CRIM1: variants seen among roughly 807,000 people sequenced by gnomAD.
The protein encoded by CRIM1 is cysteine rich transmembrane BMP regulator 1, also known as cysteine-rich motor neuron 1 protein.
A neutral mutation model predicts 116.4 loss-of-function variants in CRIM1; 32 were observed. That is an observed-to-expected ratio of 0.27 (90% CI 0.21 to 0.37). The LOEUF (loss-of-function observed/expected upper bound fraction) is 0.37. Among genes scored for constraint, CRIM1 ranks in the 10% least tolerant of loss-of-function variants. CRIM1 has a pLI of 1.00. For missense variants in CRIM1, 1,331 were observed against 1,354.8 expected, an observed-to-expected ratio of 0.98 and a Z score of 0.28; for synonymous variants, 590 against 509.2, an observed-to-expected ratio of 1.16 and a Z score of -2.13.
At chr2:36,382,667 G>T (rs1221133202) in intron 1 of CRIM1, among the ~76,000 whole-genome samples, 1 of 152,250 alleles carries the variant, frequency 6.6e-6, no homozygotes, top group Non-Finnish European at 1.5e-5. Flanking sequence ...GAGGTCCAGT[G>T]TGATGCTCCA....
At chr2:36,457,552 G>C (rs1053199652) in intron 4 of CRIM1, among the ~76,000 whole-genome samples, 1 of 152,026 alleles carries the variant, frequency 6.6e-6, no homozygotes, top group Admixed American at 6.6e-5. Context: ...AGGAAATCAC[G>C]CAGGAATAAG....
chr2:36,372,462 A>G (rs1367165849), intron 1 of CRIM1, among the ~76,000 whole-genome samples: 3 of 152,230 alleles, frequency 2.0e-5, no homozygotes, highest in African/African-American at 2.4e-5. Flanking sequence ...GGAATAAGAC[A>G]TTAGAAACTT....
At chr2:36,505,792 A>G (rs1681348158) in intron 8 of CRIM1, among the ~76,000 whole-genome samples, 1 of 151,910 alleles carries the variant, frequency 6.6e-6, no homozygotes, top group Non-Finnish European at 1.5e-5. Flanking sequence ...AGTGAGTGAT[A>G]GTGGTTGTAG....
chr2:36,430,692 A>G (rs1026767470), intron 2 of CRIM1, among the ~76,000 whole-genome samples: 2 of 152,208 alleles, frequency 1.3e-5, no homozygotes, highest in Non-Finnish European at 2.9e-5. Context: ...AGATGCCTTC[A>G]CAGAAGGAGT....
chr2:36,384,147 T>G (rs984767687), intron 1 of CRIM1, among the ~76,000 whole-genome samples: 3 of 152,196 alleles, frequency 2.0e-5, no homozygotes, highest in Non-Finnish European at 4.4e-5. Flanking sequence ...TTGCCAGAAG[T>G]TGAGGTTGAT....
intron 2 of CRIM1, among the ~76,000 whole-genome samples, chr2:36,426,718 G>A (rs1176786129): frequency 2.6e-5 from 4 of 152,108 alleles, no homozygotes; most frequent in Non-Finnish European, 4.4e-5. Flanking sequence ...AAAACCTGTG[G>A]TACTACCACT....
chr2:36,474,087 G>A (rs890464529), intron 5 of CRIM1, among the ~76,000 whole-genome samples: 14 of 152,064 alleles, frequency 9.2e-5, no homozygotes, highest in Admixed American at 2.6e-4. Context: ...TGAATTCCCC[G>A]AGTGACTAAT....
intron 1 of CRIM1, among the ~76,000 whole-genome samples, chr2:36,363,536 C>CT (rs1207054382): frequency 7.0e-6 from 1 of 141,918 alleles, no homozygotes; most frequent in African/African-American, 2.5e-5. Flanking sequence ...GCCGCCCCCC[C>CT]CCCCCATGAC....
At chr2:36,472,002 C>G (rs1275261783) in intron 5 of CRIM1, among the ~76,000 whole-genome samples, 1 of 152,152 alleles carries the variant, frequency 6.6e-6, no homozygotes, top group African/African-American at 2.4e-5. Flanking sequence ...GTAGCATGTA[C>G]TAATAGTCTA....
At chr2:36,472,243 C>A (rs796789203) in intron 5 of CRIM1, among the ~76,000 whole-genome samples, 26 of 152,272 alleles carry the variant, frequency 1.7e-4, no homozygotes, top group African/African-American at 5.8e-4. Context: ...TTGTGGCAAT[C>A]TCCACACTGT....
intron 2 of CRIM1, among the ~76,000 whole-genome samples, chr2:36,400,097 C>G (rs1412328076): frequency 6.6e-6 from 1 of 151,986 alleles, no homozygotes; most frequent in Admixed American, 6.6e-5. Context: ...GAGAGGGAGT[C>G]ATGGGGATTG....
At chr2:36,524,744 A>G (rs960325032) in intron 13 of CRIM1, among the ~76,000 whole-genome samples, 5 of 152,242 alleles carry the variant, frequency 3.3e-5, no homozygotes, top group South Asian at 2.1e-4. Context: ...CTCTCACAAA[A>G]CCAATTTAAC....
At chr2:36,367,099 A>G (rs2148293564) in intron 1 of CRIM1, among the ~76,000 whole-genome samples, 1 of 152,226 alleles carries the variant, frequency 6.6e-6, no homozygotes, top group African/African-American at 2.4e-5. Context: ...AGGAAAAGGG[A>G]TGGATTTTAG....
intron 6 of CRIM1, 31 bp from the exon 7 acceptor site, chr2:36,479,466 A>T (rs770674122): frequency 6.2e-7 from 1 of 1,600,242 alleles, no homozygotes; most frequent in South Asian, 1.1e-5. Context: ...GAAGATGCTC[A>T]GTCTAACTCT....
chr2:36,395,816 C>T (rs1016810119), intron 1 of CRIM1, among the ~76,000 whole-genome samples: 14 of 152,158 alleles, frequency 9.2e-5, no homozygotes, highest in African/African-American at 3.4e-4. Flanking sequence ...AGGGGATCCC[C>T]TCCATTGTAA....
In CRIM1 at chr2:36,506,178, C is replaced by G. The variant is rs1398349729; in HGVS notation, c.1502-3805C>G. On this transcript the variant is annotated intron_variant, in intron 8 of 16. Transcript: ENST00000280527. ...ACACACTCTCTCTCTCTCTCTCTCTCTCTCACACACACACACACACACACA... is the reference window on the plus strand; with the variant it reads ...ACACACTCTCTCTCTCTCTCTCTCTGTCTCACACACACACACACACACACA... Among the ~76,000 whole-genome samples, 6 of 83,108 alleles carry G rather than the reference C, an allele frequency of 7.2e-5. No homozygotes were observed. In the East Asian group the frequency reaches 2.4e-3, roughly 33 times the overall value. 54.5% of individuals were successfully genotyped at this position (83,108 alleles called of 152,430 possible).
At chr2:36,486,148 T>A (rs771563539) in intron 7 of CRIM1, among the ~76,000 whole-genome samples, 2 of 152,226 alleles carry the variant, frequency 1.3e-5, no homozygotes, top group Non-Finnish European at 2.9e-5. Context: ...GACACTCACA[T>A]CCAGCCTTAA....
Position 36,548,666 on chromosome 2 carries a change from C to G in CRIM1, c.3076C>G (p.His1026Asp), listed in dbSNP as rs1234710763. ...CTTCTACAGCATGCAAAAACAGAACCATCTACAGGCAGACAATTTCTACCA... is the reference window on the plus strand; with the variant it reads ...CTTCTACAGCATGCAAAAACAGAACGATCTACAGGCAGACAATTTCTACCA... ...SGFYSMQKQN[H>D]LQADNFYQTV Residue 1026 changes from histidine (H) to aspartate (D), a missense_variant, in exon 17 of 17, where the codon CAT becomes GAT. Coordinates refer to ENST00000280527, the MANE Select transcript of CRIM1 (RefSeq NM_016441.3). 1 of 1,600,426 alleles carries G rather than the reference C, an allele frequency of 6.2e-7. No individual in the cohort carries two copies. Among genetic ancestry groups the G allele is most frequent in the African/African-American group, 1.4e-5 (1 of 74,004 alleles).
At chr2:36,474,516 A>G (rs1678803722) in intron 5 of CRIM1, among the ~76,000 whole-genome samples, 1 of 152,148 alleles carries the variant, frequency 6.6e-6, no homozygotes. Context: ...GGTGTGAGGC[A>G]TAGGGTTTTC....
Sources: gnomAD v4.1 joint callset for allele counts (sites outside exome capture counted in the v4.1 genomes callset) on GRCh38, gnomAD v4.1.1 for gene constraint, MANE v1.5 for transcripts, NCBI Gene and HGNC (gene_info 2026-07-23, HGNC 2026-07-21) for gene names.